The following GLRA2 variants were observed in gnomAD, a reference collection of about 807,000 sequenced individuals.
The protein encoded by GLRA2 is glycine receptor alpha 2.
Under a neutral mutation model 31.6 loss-of-function variants are expected in GLRA2, and 11 were observed. The ratio of observed to expected loss-of-function variants is 0.35; its 90% CI spans 0.22 to 0.58. The LOEUF is 0.58. Among genes scored for constraint, GLRA2 ranks in the 20% least tolerant of loss-of-function variants. The probability of loss-of-function intolerance (pLI) is 0.84; values close to 1 mark genes in which losing one functional copy is unlikely to be tolerated. For synonymous variants in GLRA2, 132 were observed against 134.0 expected (o/e 0.99, Z 0.10); for missense variants, 212 against 351.8 (o/e 0.60, Z 3.18).
chrX:14,534,263 T>A (rs371662736), intron 2 of GLRA2, among the ~76,000 whole-genome samples: 8 of 109,279 alleles, frequency 7.3e-5, no homozygotes, highest in East Asian at 5.8e-4. Context: ...AAGTACAGGA[T>A]ATTTTAATGA....
intron 7 of GLRA2, among the ~76,000 whole-genome samples, chrX:14,646,073 G>A (rs1601796620): frequency 1.8e-5 from 2 of 112,211 alleles, no homozygotes. Context: ...TTAATTGCAT[G>A]CCAATTATGT....
At chrX:14,601,186 A>T (rs761303344) in intron 4 of GLRA2, among the ~76,000 whole-genome samples, 1 of 111,705 alleles carries the variant, frequency 9.0e-6, no homozygotes, top group African/African-American at 3.2e-5. Flanking sequence ...CATAATTGAC[A>T]ACAATTTTTC....
intron 4 of GLRA2, among the ~76,000 whole-genome samples, chrX:14,601,293 G>A (rs2090271621): frequency 9.0e-6 from 1 of 111,400 alleles, no homozygotes; most frequent in Non-Finnish European, 1.9e-5. Context: ...GCCCACGGAA[G>A]GTAGCTAATT....
intron 7 of GLRA2, among the ~76,000 whole-genome samples, chrX:14,672,850 T>C (rs1343322639): frequency 9.0e-6 from 1 of 111,477 alleles, no homozygotes; most frequent in Non-Finnish European, 1.9e-5. Flanking sequence ...AAACAGTAGG[T>C]AGCTGATTAA....
At position 14,529,868 on chromosome X, in the gene GLRA2, T is replaced by A; in HGVS notation, c.-190T>A. 1 of 447,106 alleles carries A rather than the reference T, an allele frequency of 2.2e-6. No homozygotes were observed. The highest frequency in any genetic ancestry group is 3.9e-6 in the Non-Finnish European group (1 of 255,898). 36.8% of individuals were successfully genotyped at this position (447,106 alleles called of 1,213,427 possible). ...GATGGTCCCAAGCCTCGGTTTGACC[T>A]GACCATGATGCCCAGGACTGGCACT... On this transcript the variant is annotated 5_prime_UTR_variant, in exon 1 of 9. The change abolishes the stop of an existing upstream ORF in the 5' untranslated region. Coordinates refer to ENST00000218075, the MANE Select transcript of GLRA2 (RefSeq NM_002063.4).
chrX:14,573,915 C>T (rs1280716777), intron 2 of GLRA2, among the ~76,000 whole-genome samples: 2 of 110,211 alleles, frequency 1.8e-5, no homozygotes, highest in African/African-American at 3.3e-5. Flanking sequence ...GTGGGTGTTT[C>T]TGACTCATCC....
chrX:14,555,310 A>G (rs981273518), intron 2 of GLRA2, among the ~76,000 whole-genome samples: 4 of 112,160 alleles, frequency 3.6e-5, no homozygotes, highest in Non-Finnish European at 1.9e-5. Flanking sequence ...CTCCCAATGA[A>G]CTTGAGAGTT....
intron 7 of GLRA2, among the ~76,000 whole-genome samples, chrX:14,610,519 A>G (rs2090386175): frequency 8.9e-6 from 1 of 112,213 alleles, no homozygotes; most frequent in Non-Finnish European, 1.9e-5. Flanking sequence ...AAATACTAAC[A>G]GCTTTTTTAA....
intron 7 of GLRA2, among the ~76,000 whole-genome samples, chrX:14,642,705 A>G (rs1325875177): frequency 9.0e-6 from 1 of 110,590 alleles, no homozygotes; most frequent in African/African-American, 3.3e-5. Flanking sequence ...TCAACTTTCT[A>G]CTTCCTGAAT....
chrX:14,638,365 G>C (rs2090736899), intron 7 of GLRA2, among the ~76,000 whole-genome samples: 1 of 111,142 alleles, frequency 9.0e-6, no homozygotes, highest in Non-Finnish European at 1.9e-5. Flanking sequence ...GCAACTAACA[G>C]CTTTCATGAT....
chrX:14,668,438 C>T (rs1297423229), intron 7 of GLRA2, among the ~76,000 whole-genome samples: 1 of 112,074 alleles, frequency 8.9e-6, no homozygotes, highest in East Asian at 2.8e-4. Flanking sequence ...GGCTGCCTAC[C>T]ACACACTATT....
intron 7 of GLRA2, among the ~76,000 whole-genome samples, chrX:14,633,688 G>T (rs1249358645): frequency 9.0e-6 from 1 of 111,189 alleles, no homozygotes; most frequent in Admixed American, 9.6e-5. Flanking sequence ...AGTTCTGCGT[G>T]GCTGGGGAGG....
chrX:14,479,818 A>G, the GLRA2 span, among the ~76,000 whole-genome samples: 2 of 111,465 alleles, frequency 1.8e-5, no homozygotes, highest in African/African-American at 3.3e-5. Flanking sequence ...TGTTGTGAAT[A>G]ATGCTGTGAT....
chrX:14,486,792 G>A, the GLRA2 span, among the ~76,000 whole-genome samples: 7 of 111,766 alleles, frequency 6.3e-5, no homozygotes, highest in African/African-American at 1.3e-4. Flanking sequence ...ACCCTATAAA[G>A]TAAAAAATGT....
intron 2 of GLRA2, among the ~76,000 whole-genome samples, chrX:14,570,578 G>C (rs988384962): frequency 9.0e-6 from 1 of 111,534 alleles, no homozygotes; most frequent in African/African-American, 3.3e-5. Context: ...CAAACTCCTA[G>C]GTGATGCTGA....
chrX:14,630,280 C>T (rs2090630105), intron 7 of GLRA2, among the ~76,000 whole-genome samples: 1 of 111,723 alleles, frequency 9.0e-6, no homozygotes, highest in Admixed American at 9.5e-5. Flanking sequence ...TAATTGTCTT[C>T]ACACTTGCAC....
intron 7 of GLRA2, among the ~76,000 whole-genome samples, chrX:14,628,529 G>A (rs1156622767): frequency 1.8e-5 from 2 of 111,791 alleles, no homozygotes; most frequent in African/African-American, 6.5e-5. Flanking sequence ...AATAGATAAT[G>A]CTTATTAAGA....
chrX:14,722,382 G>A (rs1018239688), intron 8 of GLRA2, among the ~76,000 whole-genome samples: 1 of 111,154 alleles, frequency 9.0e-6, no homozygotes, highest in Non-Finnish European at 1.9e-5. Context: ...CAGTCAGACA[G>A]TTGACATGGT....
At chrX:14,567,559 C>T (rs925788139) in intron 2 of GLRA2, among the ~76,000 whole-genome samples, 1 of 112,326 alleles carries the variant, frequency 8.9e-6, no homozygotes, top group Non-Finnish European at 1.9e-5. Context: ...GCTTTTCCTT[C>T]TAAGAAGATC....
Sources: gnomAD v4.1 joint callset for allele counts (sites outside exome capture counted in the v4.1 genomes callset) on GRCh38, gnomAD v4.1.1 for gene constraint, MANE v1.5 for transcripts, NCBI Gene and HGNC (gene_info 2026-07-23, HGNC 2026-07-21) for gene names.